The following BABAM2 variants were observed in gnomAD, a reference collection of about 807,000 sequenced individuals.
The protein encoded by BABAM2 is BRISC and BRCA1 A complex member 2, also known as BRISC and BRCA1-A complex member 2.
BABAM2 carries 31 observed loss-of-function variants against 54.7 expected under a neutral mutation model. That is an observed-to-expected ratio of 0.57 (90% CI 0.43 to 0.77). BABAM2 has a LOEUF of 0.77. Among genes scored for constraint, BABAM2 ranks in the 30% least tolerant of loss-of-function variants. The pLI is 0.00. For missense variants in BABAM2, 364 were observed against 455.8 expected, an observed-to-expected ratio of 0.80 and a Z score of 1.83; for synonymous variants, 167 against 162.9, an observed-to-expected ratio of 1.03 and a Z score of -0.19.
intron 4 of BABAM2, among the ~76,000 whole-genome samples, chr2:28,008,277 A>G (rs1674117225): frequency 6.6e-6 from 1 of 152,184 alleles, no homozygotes; most frequent in African/African-American, 2.4e-5. Flanking sequence ...TGACACCAAT[A>G]AACACCTGAT....
intron 11 of BABAM2, chr2:28,309,426 C>T (rs926783436): frequency 2.0e-5 from 3 of 152,150 alleles, no homozygotes; most frequent in African/African-American, 7.2e-5. Flanking sequence ...ATCACATTCA[C>T]AATCCTGGGG....
intron 7 of BABAM2, among the ~76,000 whole-genome samples, chr2:28,152,341 G>A (rs1035450563): frequency 1.3e-5 from 2 of 152,172 alleles, no homozygotes; most frequent in Admixed American, 6.5e-5. Context: ...CAGCTTCTCA[G>A]CTCTTGCTGG....
In BABAM2 at chr2:28,252,973, T is replaced by C. The variant is rs575695412; in HGVS notation, c.934+8111T>C. On this transcript the variant is annotated intron_variant, in intron 10 of 11. Coordinates refer to ENST00000379624, the MANE Select transcript of BABAM2 (RefSeq NM_199191.3). ...AGCTGTTTACAGAGTAACTCTTATG[T>C]TATTGATGTAGTTCAGTATAACCTT... Among the ~76,000 whole-genome samples, 19 of 152,342 alleles carry C rather than the reference T, an allele frequency of 1.2e-4. No individual in the cohort carries two copies. In the Middle Eastern group the frequency reaches 0.01, roughly 82 times the overall value.
At chr2:27,973,631 C>G (rs1190456364) in intron 3 of BABAM2, among the ~76,000 whole-genome samples, 1 of 152,038 alleles carries the variant, frequency 6.6e-6, no homozygotes, top group East Asian at 1.9e-4. Flanking sequence ...AAAGGTGCCA[C>G]TGGGAGGCAG....
In BABAM2 at chr2:27,995,746, GT is replaced by G. The variant is rs1397286619; in HGVS notation, c.300+7666del. Among the ~76,000 whole-genome samples, 2 of 151,870 alleles carry G rather than the reference GT, an allele frequency of 1.3e-5. No homozygotes were observed. The highest frequency in any genetic ancestry group is 4.8e-5 in the African/African-American group (2 of 41,438). On this transcript the variant is annotated intron_variant, in intron 4 of 11. Coordinates refer to ENST00000379624, the MANE Select transcript of BABAM2 (RefSeq NM_199191.3). The surrounding 1 kb of genome is among the most constrained non-coding windows in gnomAD (Gnocchi z 4.1). ...AGGCGCCCGCCACCACACCTGGCTA[GT>G]TTTTTTATATTTTTAGTAGAGATGG...
chr2:27,898,084 C>T (rs142135923), intron 2 of BABAM2, among the ~76,000 whole-genome samples: 1 of 152,284 alleles, frequency 6.6e-6, no homozygotes, highest in East Asian at 1.9e-4. Context: ...TCAAATGGAT[C>T]ACTGGATATT....
chr2:28,061,394 G>A lies in BABAM2; in HGVS notation c.570+15595G>A, dbSNP rs558758339. Among the ~76,000 whole-genome samples the A allele has an allele frequency of 5.9e-5, 9 of 151,936 alleles. No homozygotes were observed. In the South Asian group the frequency reaches 1.7e-3, roughly 28 times the overall value. On this transcript the variant is annotated intron_variant, in intron 6 of 11. Coordinates refer to ENST00000379624, the MANE Select transcript of BABAM2 (RefSeq NM_199191.3). The stretch of plus-strand genomic sequence containing the variant: ...AGGTCAGGAGATAGCGACCATCCTG[G>A]CTAATACGGTGAAACCTTGTCTCTA...
chr2:27,949,804 G>A (rs1180913845), intron 3 of BABAM2, among the ~76,000 whole-genome samples: 1 of 152,080 alleles, frequency 6.6e-6, no homozygotes, highest in African/African-American at 2.4e-5. Flanking sequence ...ATTGAAAACT[G>A]GCACCCATCT....
intron 7 of BABAM2, among the ~76,000 whole-genome samples, chr2:28,164,886 G>T (rs1292701793): frequency 6.6e-6 from 1 of 152,180 alleles, no homozygotes; most frequent in African/African-American, 2.4e-5. Flanking sequence ...GTATGCTTCA[G>T]TCAGGATTTT....
At chr2:28,200,358 G>C (rs374502635) in intron 7 of BABAM2, among the ~76,000 whole-genome samples, 1 of 152,166 alleles carries the variant, frequency 6.6e-6, no homozygotes, top group Non-Finnish European at 1.5e-5. Flanking sequence ...GGCTACAAAA[G>C]CTAATTTGTT....
At chr2:28,130,176 G>A (rs1033843604) in intron 7 of BABAM2, among the ~76,000 whole-genome samples, 9 of 152,168 alleles carry the variant, frequency 5.9e-5, no homozygotes, top group African/African-American at 2.2e-4. Flanking sequence ...TTCTCTGTGA[G>A]TCATTTAGTT....
chr2:28,165,402 A>G (rs1213138498), intron 7 of BABAM2, among the ~76,000 whole-genome samples: 4 of 152,004 alleles, frequency 2.6e-5, no homozygotes, highest in African/African-American at 9.7e-5. Flanking sequence ...CAAGAGGTGA[A>G]GCTGGAAAAC....
At chr2:28,114,567 C>T (rs1307567433) in intron 6 of BABAM2, among the ~76,000 whole-genome samples, 1 of 152,174 alleles carries the variant, frequency 6.6e-6, no homozygotes, top group Admixed American at 6.5e-5. Flanking sequence ...CTGATTCTTA[C>T]AATCCTTCTG....
At chr2:28,044,144 ATTAG>A (rs946343870) in intron 5 of BABAM2, among the ~76,000 whole-genome samples, 7 of 152,216 alleles carry the variant, frequency 4.6e-5, no homozygotes, top group Admixed American at 4.6e-4. Flanking sequence ...TTAGGCAGAT[ATTAG>A]TTATTATTAT....
intron 6 of BABAM2, among the ~76,000 whole-genome samples, chr2:28,109,176 C>T (rs890606554): frequency 2.7e-5 from 4 of 148,220 alleles, no homozygotes; most frequent in African/African-American, 7.5e-5. Flanking sequence ...GCTCTAAAGA[C>T]ACATACTCTT....
intron 4 of BABAM2, among the ~76,000 whole-genome samples, chr2:28,020,740 T>C (rs573518630): frequency 6.6e-6 from 1 of 152,306 alleles, no homozygotes; most frequent in East Asian, 1.9e-4. Flanking sequence ...GCAGATTATT[T>C]ATTTGAATTA....
chr2:27,913,256 C>T (rs987652484), intron 2 of BABAM2, among the ~76,000 whole-genome samples: 31 of 152,138 alleles, frequency 2.0e-4, no homozygotes, highest in Admixed American at 2.0e-3. Flanking sequence ...ATTCTTATCT[C>T]ATTTTCTGTA....
intron 10 of BABAM2, among the ~76,000 whole-genome samples, chr2:28,272,787 G>T (rs370304951): frequency 6.6e-6 from 1 of 152,128 alleles, no homozygotes; most frequent in African/African-American, 2.4e-5. Flanking sequence ...AGGGACTTCC[G>T]AGGGTTCTGT....
chr2:28,022,470 T>G (rs527374123), intron 4 of BABAM2, among the ~76,000 whole-genome samples: 102 of 152,382 alleles, frequency 6.7e-4, no homozygotes, highest in African/African-American at 2.4e-3. Flanking sequence ...TAGGTGTTTT[T>G]GTGAGAATGA....
Sources: allele counts gnomAD v4.1 joint callset (sites outside exome capture counted in the v4.1 genomes callset), GRCh38; gene constraint gnomAD v4.1.1; non-coding constraint Gnocchi (gnomAD v3.1); transcripts MANE v1.5; gene names NCBI Gene and HGNC (gene_info 2026-07-23, HGNC 2026-07-21).